Variants in TMEFF2 observed in about 807,000 individuals in gnomAD.
TMEFF2 encodes transmembrane protein with EGF like and two follistatin like domains 2.
Under a neutral mutation model 53.8 loss-of-function variants are expected in TMEFF2, and 28 were observed. The ratio of observed to expected loss-of-function variants is 0.52; its 90% confidence interval spans 0.39 to 0.71. The LOEUF is 0.71. TMEFF2 is among the 30% of genes least tolerant of loss of function. The pLI is 0.00. For missense variants in TMEFF2, 353 were observed against 455.2 expected (o/e 0.78, Z 2.04); for synonymous variants, 162 against 166.3 (o/e 0.97, Z 0.20).
chr2:192,164,486 TTGGGAGGCTGAGGCAGG>T (rs1690706883), intron 4 of TMEFF2, among the ~76,000 whole-genome samples: 1 of 152,068 alleles, frequency 6.6e-6, no homozygotes, highest in Admixed American at 6.6e-5. Flanking sequence ...TCCCAGCACT[TTGGGAGGCTGAGGCAGG>T]TGGATCACGA....
At chr2:192,023,488 A>G (rs1347817388) in intron 5 of TMEFF2, among the ~76,000 whole-genome samples, 31 of 152,152 alleles carry the variant, frequency 2.0e-4, no homozygotes. Flanking sequence ...TCCAAAAGCA[A>G]CATCAATCTA....
At chr2:192,017,777 A>T (rs1489483006) in intron 5 of TMEFF2, among the ~76,000 whole-genome samples, 1 of 152,218 alleles carries the variant, frequency 6.6e-6, no homozygotes, top group East Asian at 1.9e-4. Flanking sequence ...CCCAACCACT[A>T]GAATTCAACT....
intron 5 of TMEFF2, among the ~76,000 whole-genome samples, chr2:192,013,814 AC>A (rs1686688543): frequency 6.6e-6 from 1 of 152,172 alleles, no homozygotes; most frequent in South Asian, 2.1e-4. Context: ...ATAGAAAGTG[AC>A]CTTGTCTGCT....
At chr2:192,015,729 T>C (rs533355665) in intron 5 of TMEFF2, among the ~76,000 whole-genome samples, 9 of 152,238 alleles carry the variant, frequency 5.9e-5, no homozygotes, top group African/African-American at 1.9e-4. Context: ...TATGAGAAAA[T>C]ACATGTGATT....
chr2:192,184,249 C>A, intron 3 of TMEFF2, 105 bp downstream of exon 3: 1 of 1,386,004 alleles, frequency 7.2e-7, no homozygotes, highest in Non-Finnish European at 9.9e-7. Context: ...CTTGTCTAGT[C>A]AACATATAAT....
intron 5 of TMEFF2, among the ~76,000 whole-genome samples, chr2:192,045,977 C>A (rs189515630): frequency 6.6e-6 from 1 of 152,338 alleles, no homozygotes; most frequent in East Asian, 1.9e-4. Flanking sequence ...GACTAAGGAA[C>A]TTACTTCACT....
chr2:192,183,202 A>C (rs911251444), intron 3 of TMEFF2, among the ~76,000 whole-genome samples: 1 of 152,056 alleles, frequency 6.6e-6, no homozygotes, highest in Non-Finnish European at 1.5e-5. Flanking sequence ...ATGAGATATG[A>C]TTCTATTCTC....
At chr2:192,141,444 C>G (rs2105990114) in intron 4 of TMEFF2, among the ~76,000 whole-genome samples, 1 of 134,104 alleles carries the variant, frequency 7.5e-6, no homozygotes, top group South Asian at 2.3e-4. Context: ...CAGAGTGAGA[C>G]TCCGTCTCAA....
At chr2:192,182,649 G>A (rs1691214294) in intron 3 of TMEFF2, among the ~76,000 whole-genome samples, 1 of 151,876 alleles carries the variant, frequency 6.6e-6, no homozygotes, top group Non-Finnish European at 1.5e-5. Context: ...GGCCATAACC[G>A]TAACTTCTGG....
chr2:192,034,129 C>T (rs943386920), intron 5 of TMEFF2, among the ~76,000 whole-genome samples: 2 of 143,118 alleles, frequency 1.4e-5, no homozygotes, highest in African/African-American at 2.6e-5. Flanking sequence ...GAGCCGAGAT[C>T]GTGCCACTGC....
intron 5 of TMEFF2, among the ~76,000 whole-genome samples, chr2:192,002,030 AT>A (rs1364296596): frequency 1.3e-4 from 17 of 129,650 alleles, no homozygotes; most frequent in African/African-American, 6.1e-4. Context: ...TTATTTATTT[AT>A]TTATTATTTT....
chr2:192,109,975 A>G (rs1282746442), intron 4 of TMEFF2, among the ~76,000 whole-genome samples: 1 of 152,084 alleles, frequency 6.6e-6, no homozygotes, highest in Non-Finnish European at 1.5e-5. Context: ...TGGCTTAGGG[A>G]GAAAATTTAG....
intron 9 of TMEFF2, among the ~76,000 whole-genome samples, chr2:191,951,194 A>AAT (rs1691869885): frequency 6.6e-6 from 1 of 151,804 alleles, no homozygotes; most frequent in Admixed American, 6.6e-5. Flanking sequence ...TGTGTATATA[A>AAT]ATATATATAT....
chr2:192,099,825 C>T (rs1167685030), intron 4 of TMEFF2, among the ~76,000 whole-genome samples: 2 of 149,988 alleles, frequency 1.3e-5, no homozygotes, highest in African/African-American at 4.9e-5. Flanking sequence ...TATTTTGGTT[C>T]AGTAGTGCTT....
intron 7 of TMEFF2, among the ~76,000 whole-genome samples, chr2:191,975,047 G>A (rs558763863): frequency 1.6e-4 from 25 of 151,696 alleles, no homozygotes; most frequent in Non-Finnish European, 3.1e-4. Flanking sequence ...GTTAAATAAT[G>A]TTACAACAAA....
In TMEFF2 at chr2:192,177,987, T is replaced by C. The variant is rs1691092724; in HGVS notation, c.439+1681A>G. 2.0e-5 allele frequency: 3 copies of C among 150,878 alleles called. No homozygotes were observed. The South Asian group carries it at 6.2e-4, about 31-fold the overall frequency. The allele number at this position is 150,878 out of a possible 1,614,324, so 9.3% of individuals were successfully genotyped here. The stretch of plus-strand genomic sequence containing the variant: ...AATAAAGATATGAAGTACAGTATGG[T>C]AGGATAGTCAAGCAGAAAAAAGTAA... On this transcript the variant is annotated intron_variant, in intron 4 of 9. Transcript: ENST00000272771.
At chr2:192,052,128 A>T (rs1226392380) in intron 5 of TMEFF2, among the ~76,000 whole-genome samples, 5 of 152,240 alleles carry the variant, frequency 3.3e-5, no homozygotes, top group African/African-American at 1.2e-4. Flanking sequence ...AGCAAAGTTA[A>T]AACAGGGATA....
At chr2:191,977,945 T>A (rs1409375742) in intron 7 of TMEFF2, among the ~76,000 whole-genome samples, 1 of 152,232 alleles carries the variant, frequency 6.6e-6, no homozygotes, top group African/African-American at 2.4e-5. Flanking sequence ...ATTACTCAGC[T>A]TTTATCATTA....
At chr2:192,001,630 A>G (rs1686363152) in intron 5 of TMEFF2, among the ~76,000 whole-genome samples, 1 of 152,110 alleles carries the variant, frequency 6.6e-6, no homozygotes, top group South Asian at 2.1e-4. Context: ...GTGGGAGATA[A>G]TTGAATCATG....
Sources: allele counts gnomAD v4.1 joint callset (sites outside exome capture counted in the v4.1 genomes callset), GRCh38; gene constraint gnomAD v4.1.1; transcripts MANE v1.5; gene names NCBI Gene and HGNC (gene_info 2026-07-23, HGNC 2026-07-21).